Variants in RAB17 observed in about 807,000 individuals in gnomAD.
RAB17 encodes the protein ras-related protein Rab-17.
Under a neutral mutation model 19.3 loss-of-function variants are expected in RAB17, and 15 were observed. That is an observed-to-expected ratio of 0.78 (90% CI 0.52 to 1.20). The LOEUF (loss-of-function observed/expected upper bound fraction) is 1.20. Among genes scored for constraint, RAB17 ranks in the 50% most tolerant of loss-of-function variants. RAB17 has a pLI of 0.00. For missense variants in RAB17, 262 were observed against 269.3 expected, an observed-to-expected ratio of 0.97 and a Z score of 0.19; for synonymous variants, 110 against 112.8, an observed-to-expected ratio of 0.97 and a Z score of 0.16.
At position 237,577,983 on chromosome 2, in the gene RAB17, G is replaced by A. The variant is rs368829938; in HGVS notation, c.309+21C>T. On this transcript the variant is annotated intron_variant, in intron 3 of 5. Coordinates refer to ENST00000264601, the MANE Select transcript of RAB17 (RefSeq NM_022449.4). ...AGGTGCTTGGGAAGGAGGGTGGGACGTGCCTCAAGGCGGGCCCTACCTTCC... is the reference window on the plus strand; with the variant it reads ...AGGTGCTTGGGAAGGAGGGTGGGACATGCCTCAAGGCGGGCCCTACCTTCC... 1.1e-4 allele frequency: 172 copies of A among 1,582,314 alleles called. 3 individuals are homozygous for A. The Admixed American group carries it at 2.5e-3, about 23-fold the overall frequency.
In RAB17 at chr2:237,574,947, C is replaced by A; in HGVS notation, c.*72G>T. 1 of 1,199,594 alleles carries A rather than the reference C, an allele frequency of 8.3e-7. No individual in the cohort carries two copies. The highest frequency in any genetic ancestry group is 1.6e-5 in the South Asian group (1 of 60,644). 74.3% of individuals were successfully genotyped at this position (1,199,594 alleles called of 1,614,324 possible). On this transcript the variant is annotated 3_prime_UTR_variant, in exon 6 of 6. Transcript: ENST00000264601. ...GAGCAACCCAGCATTGACAGTGAAT[C>A]AGAATCCACCTAGAGCTGGCCATGG... is the stretch of plus-strand genomic sequence containing the variant.
At chr2:237,586,343 AT>A (rs1487121694) in intron 1 of RAB17, among the ~76,000 whole-genome samples, 186 bp from the exon 2 acceptor site, 1 of 152,062 alleles carries the variant, frequency 6.6e-6, no homozygotes, top group African/African-American at 2.4e-5. Flanking sequence ...CCCATCTGCA[AT>A]TTTTAGGTCC....
At chr2:237,578,926 CACACACACACACACA>C (rs925335873) in intron 2 of RAB17, 1 of 152,888 alleles carries the variant, frequency 6.5e-6, no homozygotes, top group African/African-American at 2.4e-5. Context: ...CACACACACA[CACACACACACACACA>C]ACTACTCCCA....
intron 5 of RAB17, 104 bp from the exon 6 acceptor site, chr2:237,575,232 C>A: frequency 9.0e-7 from 1 of 1,111,886 alleles, no homozygotes. Context: ...TGTGTTTACC[C>A]TGAACCATAG....
At chr2:237,579,999 G>A (rs1025686859) in intron 2 of RAB17, among the ~76,000 whole-genome samples, 5 of 152,202 alleles carry the variant, frequency 3.3e-5, no homozygotes, top group Admixed American at 2.0e-4. Context: ...GGACTGAACC[G>A]GCTATAAACC....
chr2:237,581,391 T>G lies in RAB17; in HGVS notation c.158-3236A>C, dbSNP rs566811482. Among the ~76,000 whole-genome samples the G allele has an allele frequency of 1.9e-4, 29 of 150,718 alleles. 1 individual carries two copies. The South Asian group carries it at 6.1e-3, about 32-fold the overall frequency. ...GCCATCTTAAAAAAAAAAAAAAAAG[T>G]TCCTCTACTAAATTTTATTTTTTTA... On this transcript the variant is annotated intron_variant, in intron 2 of 5. Transcript: ENST00000264601.
intron 1 of RAB17, among the ~76,000 whole-genome samples, chr2:237,590,100 G>A (rs1284808354): frequency 1.3e-5 from 2 of 151,798 alleles, no homozygotes; most frequent in Non-Finnish European, 2.9e-5. Flanking sequence ...TATTAAATTG[G>A]GAATGTTGAT....
intron 4 of RAB17, chr2:237,576,477 C>T: frequency 2.3e-6 from 1 of 433,350 alleles, no homozygotes; most frequent in Non-Finnish European, 4.8e-6. Flanking sequence ...ACGCTGTCTC[C>T]CTTTGCTCCC....
Position 237,574,781 on chromosome 2 carries a change from A to T in RAB17, c.*238T>A, listed in dbSNP as rs976730964. ...GGTGGAACAGGCACAGGCATCGGGGAATCAGATGGTATCAGTGGGGATAGG... is the reference window on the plus strand; with the variant it reads ...GGTGGAACAGGCACAGGCATCGGGGTATCAGATGGTATCAGTGGGGATAGG... On this transcript the variant is annotated 3_prime_UTR_variant, in exon 6 of 6. Transcript: ENST00000264601. 9.3e-7 allele frequency: 1 copy of T among 1,079,992 alleles called. No homozygotes were observed. Among genetic ancestry groups the T allele is most frequent in the Non-Finnish European group, 1.3e-6 (1 of 788,044 alleles). 66.9% of individuals were successfully genotyped at this position (1,079,992 alleles called of 1,614,324 possible). A position where few individuals can be genotyped will look rare whatever the true frequency, so the allele number is the denominator to read the frequency against.
In RAB17 at chr2:237,574,539, C is replaced by G; in HGVS notation, c.*480G>C. 6.4e-7 allele frequency: 1 copy of G among 1,550,438 alleles called. No individual in the cohort carries two copies. Among genetic ancestry groups the G allele is most frequent in the Non-Finnish European group, 8.7e-7 (1 of 1,146,898 alleles). The stretch of plus-strand genomic sequence containing the variant: ...CAAGATGTGGAAATCCTGGGCCCAC[C>G]CCACAGTCAGTCATCGCTCCATTTC... On this transcript the variant is annotated 3_prime_UTR_variant, in exon 6 of 6. Transcript: ENST00000264601.
intron 5 of RAB17, 90 bp downstream of exon 5, chr2:237,575,297 G>A: frequency 8.8e-7 from 1 of 1,140,204 alleles, no homozygotes; most frequent in Non-Finnish European, 1.3e-6. Flanking sequence ...GACATTCTAT[G>A]GGATACCACG....
At position 237,577,442 on chromosome 2, in the gene RAB17, C is replaced by T. The variant is rs956534828; in HGVS notation, c.310-60G>A. On this transcript the variant is annotated intron_variant, in intron 3 of 5. Coordinates refer to ENST00000264601, the MANE Select transcript of RAB17 (RefSeq NM_022449.4). ...ACTTATAGGTGGTCATTAGCTATTC[C>T]GGGAGGGGGAAGCCAGTGTTGCTGA... 8.5e-6 allele frequency: 13 copies of T among 1,529,144 alleles called. No homozygotes were observed. In the East Asian group the frequency reaches 1.8e-4, roughly 21 times the overall value. 94.7% of individuals were successfully genotyped at this position (1,529,144 alleles called of 1,614,324 possible).
Position 237,575,095 on chromosome 2 carries a change from C to A in RAB17, c.563G>T (p.Gly188Val), listed in dbSNP as rs1428388974. 1 of 1,613,634 alleles carries A rather than the reference C, an allele frequency of 6.2e-7. No individual in the cohort carries two copies. The highest frequency in any genetic ancestry group is 8.5e-7 in the Non-Finnish European group (1 of 1,179,886). ...AGCTGCATCCCCCCGTAGAGCCTGGCCCTCCTCGTCGCTTCTCTGCAGTAG... is the reference window on the plus strand; with the variant it reads ...AGCTGCATCCCCCCGTAGAGCCTGGACCTCCTCGTCGCTTCTCTGCAGTAG... ...QELLQRSDEEGQALRGDAAVA... is the reference protein window; with the variant it reads ...QELLQRSDEEVQALRGDAAVA... Residue 188 changes from glycine (G) to valine (V), a missense_variant, in exon 6 of 6, where the codon GGC becomes GTC. Coordinates refer to ENST00000264601, the MANE Select transcript of RAB17 (RefSeq NM_022449.4).
intron 2 of RAB17, among the ~76,000 whole-genome samples, chr2:237,583,427 G>A (rs1304218854): frequency 2.6e-5 from 4 of 152,206 alleles, no homozygotes; most frequent in Non-Finnish European, 4.4e-5. Context: ...AAGGTGTGAC[G>A]CAGACACTTG....
At chr2:237,588,422 G>C (rs186199371) in intron 1 of RAB17, among the ~76,000 whole-genome samples, 1 of 152,312 alleles carries the variant, frequency 6.6e-6, no homozygotes, top group East Asian at 1.9e-4. Context: ...AGCACAAACA[G>C]ACTAAGACAG....
intron 2 of RAB17, 111 bp from the exon 3 acceptor site, chr2:237,578,266 GC>G: frequency 9.1e-7 from 1 of 1,093,604 alleles, no homozygotes; most frequent in Non-Finnish European, 1.3e-6. Context: ...GGGACAGCTG[GC>G]CATGCATCTC....
At position 237,586,050 on chromosome 2, in the gene RAB17, C is replaced by T. The variant is rs767150110; in HGVS notation, c.105G>A (p.Leu35=). The T allele has an allele frequency of 2.5e-6, 4 of 1,613,372 alleles. No homozygotes were observed. The highest frequency in any genetic ancestry group is 3.4e-6 in the Non-Finnish European group (4 of 1,179,696). The change falls in exon 2 of 6, where the codon TTG becomes TTA. Residue 35 remains leucine (L), a synonymous_variant. Coordinates refer to ENST00000264601, the MANE Select transcript of RAB17 (RefSeq NM_022449.4). ...AGTCGTTCTTCACGTACCGAAGAGC[C>T]AAGCTGGACTTACCCACGGAGCCAC... The part of the protein sequence containing the change: ...LGSGSVGKSS[L]ALRYVKNDFK...
In RAB17 at chr2:237,584,850, C is replaced by G. The variant is rs879166089; in HGVS notation, c.157+1148G>C. Among the ~76,000 whole-genome samples, 5 of 152,290 alleles carry G rather than the reference C, an allele frequency of 3.3e-5. 1 individual carries two copies. Among genetic ancestry groups the G allele is most frequent in the Admixed American group, 2.6e-4 (4 of 15,302 alleles). ...ATCAGGACTTGGGGGGTGAGGGGTA[C>G]AGATCTCCTTGCTAATGGAGAAGAG... On this transcript the variant is annotated intron_variant, in intron 2 of 5. Transcript: ENST00000264601.
intron 2 of RAB17, among the ~76,000 whole-genome samples, chr2:237,582,152 C>T (rs997463051): frequency 3.3e-5 from 5 of 152,262 alleles, no homozygotes; most frequent in African/African-American, 1.2e-4. Context: ...CCAGCCAGCA[C>T]GTTGGCTTTC....
Sources: allele counts gnomAD v4.1 joint callset (sites outside exome capture counted in the v4.1 genomes callset), GRCh38; gene constraint gnomAD v4.1.1; transcripts MANE v1.5; gene names NCBI Gene and HGNC (gene_info 2026-07-23, HGNC 2026-07-21).